Variants in ING5 observed in about 807,000 individuals in gnomAD.
ING5 encodes inhibitor of growth family member 5.
In ING5, 17 loss-of-function variants were observed where a neutral mutation model predicts 37.4. The observed-to-expected ratio is 0.45, with a 90% CI of 0.31 to 0.68. The LOEUF (loss-of-function observed/expected upper bound fraction) is 0.68, where lower values mean the gene tolerates loss of function less well. ING5 is among the 30% of genes least tolerant of loss of function. The pLI is 0.05. For missense variants in ING5, 233 were observed against 311.9 expected (o/e 0.75, Z 1.91); for synonymous variants, 123 against 116.6 (o/e 1.06, Z -0.36).
chr2:241,702,449 C>CCGGCT (rs2069771391), intron 1 of ING5, among the ~76,000 whole-genome samples: 3 of 151,874 alleles, frequency 2.0e-5, no homozygotes, highest in African/African-American at 7.2e-5. Flanking sequence ...CAGCTCCGGC[C>CCGGCT]CCGGCCCCGC....
intron 2 of ING5, among the ~76,000 whole-genome samples, chr2:241,708,707 G>A (rs1243283869): frequency 6.6e-6 from 1 of 152,156 alleles, no homozygotes; most frequent in Non-Finnish European, 1.5e-5. Context: ...TGTCTGAAGG[G>A]ACCACAGCTT....
intron 2 of ING5, among the ~76,000 whole-genome samples, chr2:241,707,336 G>A (rs560550428): frequency 6.6e-6 from 1 of 151,674 alleles, no homozygotes; most frequent in East Asian, 1.9e-4. Context: ...TGTTGTCCAG[G>A]CTGGAGTGCA....
Position 241,703,762 on chromosome 2 carries a change from C to T in ING5, c.38-891C>T, listed in dbSNP as rs186624888. The stretch of plus-strand genomic sequence containing the variant: ...CTGGGACTGTAGCTGTGCACCACCA[C>T]GCCTGGATAATTTTTGTATTTTTAG... On this transcript the variant is annotated intron_variant, in intron 1 of 7. Coordinates refer to ENST00000313552, the MANE Select transcript of ING5 (RefSeq NM_032329.6). Among the ~76,000 whole-genome samples the T allele has an allele frequency of 2.1e-4, 32 of 152,134 alleles. No homozygotes were observed. In the South Asian group the frequency reaches 2.7e-3, roughly 13 times the overall value.
intron 7 of ING5, chr2:241,723,856 A>G (rs1283910249): frequency 6.5e-7 from 1 of 1,539,862 alleles, no homozygotes; most frequent in East Asian, 2.2e-5. Context: ...CAAAAAATAC[A>G]AAAATTAGCT....
intron 2 of ING5, among the ~76,000 whole-genome samples, chr2:241,705,311 C>T (rs1245939668): frequency 6.6e-6 from 1 of 151,854 alleles, no homozygotes; most frequent in Non-Finnish European, 1.5e-5. Flanking sequence ...ATCTCCTCAC[C>T]TCATGATCTG....
Position 241,718,284 on chromosome 2 carries a change from C to G in ING5, c.483-4655C>G, listed in dbSNP as rs2070329277. ...CAGCTCAGCCTCTCACCTTCCCTTT[C>G]CTTCTTTCTTTCCTTCCTTCCTTTC... On this transcript the variant is annotated intron_variant, in intron 5 of 7. Transcript: ENST00000313552. Among the ~76,000 whole-genome samples the G allele has an allele frequency of 2.6e-5, 4 of 151,516 alleles. No individual in the cohort carries two copies. In the South Asian group the frequency reaches 8.4e-4, roughly 32 times the overall value.
At chr2:241,692,041 T>C (rs1368525282) in intron 2 of ING5, among the ~76,000 whole-genome samples, 1 of 151,986 alleles carries the variant, frequency 6.6e-6, no homozygotes, top group Non-Finnish European at 1.5e-5. Context: ...GAGTGAGACC[T>C]TGTCTCAATT....
At chr2:241,711,072 A>G (rs1258322074) in intron 3 of ING5, among the ~76,000 whole-genome samples, 3 of 152,182 alleles carry the variant, frequency 2.0e-5, no homozygotes, top group African/African-American at 7.2e-5. Context: ...ATTTTAAAGT[A>G]GGGTTCAGCG....
intron 2 of ING5, among the ~76,000 whole-genome samples, chr2:241,693,652 C>CTTTTT (rs1185556171): frequency 0.037 from 2,925 of 78,532 alleles, 106 homozygotes; most frequent in Non-Finnish European, 0.051. Context: ...AAATACAACT[C>CTTTTT]TTTTTTTTTT....
intron 5 of ING5, chr2:241,720,289 T>C: frequency 8.1e-7 from 1 of 1,227,322 alleles, no homozygotes; most frequent in Non-Finnish European, 1.0e-6. Flanking sequence ...TTCACGCCCC[T>C]CGTGGTCACG....
intron 5 of ING5, among the ~76,000 whole-genome samples, chr2:241,714,199 G>A (rs906705878): frequency 1.3e-5 from 2 of 152,080 alleles, no homozygotes; most frequent in African/African-American, 4.8e-5. Flanking sequence ...ACATGATCCA[G>A]ATTTCTATAG....
At chr2:241,697,697 G>A (rs548470383), upstream of ING5, among the ~76,000 whole-genome samples, 13 of 152,170 alleles carry the variant, frequency 8.5e-5, no homozygotes, top group Admixed American at 2.6e-4. Flanking sequence ...GGGATGAATC[G>A]GGAAGCGCAG....
chr2:241,689,103 T>G (rs1377322662), intron 1 of ING5, among the ~76,000 whole-genome samples: 1 of 140,972 alleles, frequency 7.1e-6, no homozygotes. Flanking sequence ...GCCCGGCCAA[T>G]TTATTTTTTA....
chr2:241,702,861 G>A (rs1271532477), intron 1 of ING5, among the ~76,000 whole-genome samples: 1 of 152,266 alleles, frequency 6.6e-6, no homozygotes, highest in Admixed American at 6.5e-5. Flanking sequence ...GTCGGCCCGG[G>A]ATGGGCACAG....
intron 2 of ING5, among the ~76,000 whole-genome samples, chr2:241,707,782 A>G (rs78553473): frequency 0.089 from 13,498 of 152,244 alleles, 624 homozygotes; most frequent in South Asian, 0.13. Flanking sequence ...CGAGATGGAG[A>G]AATCAAGCCC....
intron 5 of ING5, among the ~76,000 whole-genome samples, chr2:241,715,111 C>A (rs2124927443): frequency 6.6e-6 from 1 of 152,214 alleles, no homozygotes; most frequent in East Asian, 1.9e-4. Context: ...TTGCACTCCA[C>A]AAATTTTGAT....
At chr2:241,698,082 CAAAAAAA>C (rs138451940), upstream of ING5, among the ~76,000 whole-genome samples, 1 of 84,642 alleles carries the variant, frequency 1.2e-5, no homozygotes, top group Non-Finnish European at 2.3e-5. Context: ...GGCTCCATCT[CAAAAAAA>C]AAAAAAAAAA....
Position 241,712,042 on chromosome 2 carries a change from C to CA in ING5, c.454dup (p.Thr152AsnfsTer12). On this transcript the variant is annotated frameshift_variant, in exon 5 of 8. Coordinates refer to ENST00000313552, the MANE Select transcript of ING5 (RefSeq NM_032329.6). LOFTEE classifies it high-confidence loss of function. ...GAGGCAGGAGGACATCAGAGGAAGA[C>CA]ACACCAAAGAAAAAGAAGCACAAAG... is the stretch of plus-strand genomic sequence containing the variant. 1 of 1,612,282 alleles carries CA rather than the reference C, an allele frequency of 6.2e-7. No individual in the cohort carries two copies. Among genetic ancestry groups the CA allele is most frequent in the Non-Finnish European group, 8.5e-7 (1 of 1,179,226 alleles).
chr2:241,697,705 C>A (rs148189221), upstream of ING5, among the ~76,000 whole-genome samples: 83 of 152,172 alleles, frequency 5.5e-4, 1 homozygote, highest in South Asian at 7.7e-3. Context: ...TCGGGAAGCG[C>A]AGGGGATTTT....
Sources: gnomAD v4.1 joint callset for allele counts (sites outside exome capture counted in the v4.1 genomes callset) on GRCh38, gnomAD v4.1.1 for gene constraint, MANE v1.5 for transcripts, NCBI Gene and HGNC (gene_info 2026-07-23, HGNC 2026-07-21) for gene names.